FGF13: variants seen among roughly 807,000 people sequenced by gnomAD.
FGF13 encodes the protein fibroblast growth factor homologous factor 2.
In FGF13, 2 loss-of-function variants were observed where a neutral mutation model predicts 19.5. That is an observed-to-expected ratio of 0.10 (90% confidence interval 0.04 to 0.32). FGF13 has a LOEUF of 0.32. Among genes scored for constraint, FGF13 ranks in the 10% least tolerant of loss-of-function variants. The pLI is 1.00. For synonymous variants in FGF13, 72 were observed against 76.9 expected, an observed-to-expected ratio of 0.94 and a Z score of 0.33; for missense variants, 113 against 192.7, an observed-to-expected ratio of 0.59 and a Z score of 2.45.
At chrX:138,831,035 T>C (rs1429320527) in intron 3 of FGF13, among the ~76,000 whole-genome samples, 1 of 110,801 alleles carries the variant, frequency 9.0e-6, no homozygotes, top group African/African-American at 3.3e-5. Flanking sequence ...TCCAGCACAG[T>C]GTCCCCTGGC....
intron 1 of FGF13, among the ~76,000 whole-genome samples, chrX:138,954,095 C>T (rs201604197): frequency 9.6e-5 from 9 of 94,170 alleles, no homozygotes; most frequent in Admixed American, 3.6e-4. Context: ...GTAAATTTAA[C>T]GAGAGAGAGA....
At chrX:139,037,729 T>C (rs2092255399) in intron 1 of FGF13, among the ~76,000 whole-genome samples, 1 of 112,290 alleles carries the variant, frequency 8.9e-6, no homozygotes, top group African/African-American at 3.2e-5. Context: ...GCCCAAATAT[T>C]CCAGAATAAT....
chrX:138,653,128 G>A (rs1210045235), intron 3 of FGF13, among the ~76,000 whole-genome samples: 5 of 111,829 alleles, frequency 4.5e-5, no homozygotes, highest in African/African-American at 1.6e-4. Context: ...TGCTTAAATT[G>A]CTCTTTGTAG....
At chrX:139,111,537 G>T (rs763793412) in intron 1 of FGF13, among the ~76,000 whole-genome samples, 2 of 111,993 alleles carry the variant, frequency 1.8e-5, no homozygotes, top group African/African-American at 3.2e-5. Context: ...CTTCTAAACA[G>T]AAATTTTTGA....
At chrX:138,956,262 G>A (rs770259898) in intron 1 of FGF13, among the ~76,000 whole-genome samples, 2 of 111,781 alleles carry the variant, frequency 1.8e-5, no homozygotes, top group Non-Finnish European at 3.8e-5. Context: ...AATACATGTT[G>A]TAAAATGGAA....
intron 1 of FGF13, among the ~76,000 whole-genome samples, chrX:138,981,049 A>G (rs1431864370): frequency 9.0e-6 from 1 of 111,239 alleles, no homozygotes; most frequent in African/African-American, 3.3e-5. Flanking sequence ...CAGAAACAAA[A>G]CTGTCAAGTT....
intron 1 of FGF13, among the ~76,000 whole-genome samples, chrX:138,924,840 T>TAA (rs11301322): frequency 4.8e-4 from 45 of 93,576 alleles, no homozygotes; most frequent in African/African-American, 1.7e-3. Flanking sequence ...GGGGGAAAGT[T>TAA]AAAAAAAAAA....
intron 3 of FGF13, among the ~76,000 whole-genome samples, chrX:138,697,836 C>T (rs1014291025): frequency 1.8e-5 from 2 of 111,188 alleles, no homozygotes; most frequent in African/African-American, 6.5e-5. Flanking sequence ...AGACACTTGA[C>T]TTTCTATAGT....
In FGF13 at chrX:138,622,110, A is replaced by T. The variant is rs2124070715; in HGVS notation, c.*10740T>A. ...TCTAAACTCATTTTTCTATGAAACC[A>T]GCATTATTCTCCTACCAAAGCCAGG... On this transcript the variant is annotated 3_prime_UTR_variant, in exon 5 of 5. Coordinates refer to ENST00000315930, the MANE Select transcript of FGF13 (RefSeq NM_004114.5). The T allele has an allele frequency of 9.0e-6, 1 of 110,723 alleles. No homozygotes were observed. Among genetic ancestry groups the T allele is most frequent in the African/African-American group, 3.3e-5 (1 of 30,476 alleles). 9.1% of individuals were successfully genotyped at this position (110,723 alleles called of 1,213,427 possible). A position where few individuals can be genotyped will look rare whatever the true frequency, so the allele number is the denominator to read the frequency against.
In FGF13 at chrX:138,674,182, C is replaced by T. The variant is rs749940391; in HGVS notation, c.402+28802G>A. 1.4e-4 allele frequency among the ~76,000 whole-genome samples: 15 copies of T among 110,781 alleles called. No individual in the cohort carries two copies. The South Asian group carries it at 1.5e-3, about 11-fold the overall frequency. ...AATTGAGCCCTTACTAGGTACCAGGCACTATTGTCAGGTTCTTTGTATATG... is the reference window on the plus strand; with the variant it reads ...AATTGAGCCCTTACTAGGTACCAGGTACTATTGTCAGGTTCTTTGTATATG... On this transcript the variant is annotated intron_variant, in intron 3 of 4. Transcript: ENST00000315930.
intron 3 of FGF13, among the ~76,000 whole-genome samples, chrX:138,647,310 C>A (rs1448955224): frequency 1.8e-5 from 2 of 109,070 alleles, no homozygotes; most frequent in African/African-American, 6.7e-5. Context: ...TAAAACAAGA[C>A]ACTTTGAAAT....
At chrX:139,043,772 T>C (rs1339049053) in intron 1 of FGF13, among the ~76,000 whole-genome samples, 1 of 112,449 alleles carries the variant, frequency 8.9e-6, no homozygotes, top group East Asian at 2.8e-4. Flanking sequence ...TACTATGGAA[T>C]ACTATGCAGT....
At chrX:139,048,879 C>T (rs1016520648) in intron 1 of FGF13, among the ~76,000 whole-genome samples, 3 of 110,730 alleles carry the variant, frequency 2.7e-5, no homozygotes, top group Non-Finnish European at 5.7e-5. Flanking sequence ...TGTCATTTTC[C>T]TATTTATAAA....
intron 3 of FGF13, among the ~76,000 whole-genome samples, chrX:138,698,193 T>G (rs895702865): frequency 9.0e-6 from 1 of 110,908 alleles, no homozygotes; most frequent in Non-Finnish European, 1.9e-5. Context: ...GCAAGAATTC[T>G]GAGATTAATC....
At position 138,625,511 on chromosome X, in the gene FGF13, A is replaced by T. The variant is rs868605960; in HGVS notation, c.*7339T>A. The T allele has an allele frequency of 3.3e-5, 3 of 90,686 alleles. No individual in the cohort carries two copies. Among genetic ancestry groups the T allele is most frequent in the African/African-American group, 1.5e-4 (3 of 19,672 alleles). 7.5% of individuals were successfully genotyped at this position (90,686 alleles called of 1,213,427 possible). On this transcript the variant is annotated 3_prime_UTR_variant, in exon 5 of 5. Coordinates refer to ENST00000315930, the MANE Select transcript of FGF13 (RefSeq NM_004114.5). ...TATATATATATACATATATATATATAATATAATATATATATATATCTTAGC... is the reference window on the plus strand; with the variant it reads ...TATATATATATACATATATATATATTATATAATATATATATATATCTTAGC...
chrX:138,854,582 A>T (rs904815719), downstream of FGF13, among the ~76,000 whole-genome samples: 13 of 112,288 alleles, frequency 1.2e-4, no homozygotes, highest in Non-Finnish European at 1.9e-4. Context: ...TATACTAATT[A>T]AAAAAGAGTT....
intron 1 of FGF13, among the ~76,000 whole-genome samples, chrX:139,199,603 T>C (rs2084400013): frequency 9.0e-6 from 1 of 111,583 alleles, no homozygotes; most frequent in East Asian, 2.8e-4. Context: ...ATTCTCTCCC[T>C]GATTCCAATT....
chrX:138,863,334 A>G (rs2091299253), intron 2 of FGF13, among the ~76,000 whole-genome samples: 1 of 111,480 alleles, frequency 9.0e-6, no homozygotes, highest in Non-Finnish European at 1.9e-5. Context: ...TCTTTGACCT[A>G]TGTAGCCTTC....
chrX:138,639,866 A>T (rs2089230097), intron 3 of FGF13, among the ~76,000 whole-genome samples: 1 of 109,824 alleles, frequency 9.1e-6, no homozygotes. Flanking sequence ...GGTGGTGGGC[A>T]CCTGTAGTCC....
Sources: allele counts gnomAD v4.1 joint callset (sites outside exome capture counted in the v4.1 genomes callset), GRCh38; gene constraint gnomAD v4.1.1; transcripts MANE v1.5; gene names NCBI Gene and HGNC (gene_info 2026-07-23, HGNC 2026-07-21).